The following MPHOSPH8 variants were observed in gnomAD, a reference collection of about 807,000 sequenced individuals.
MPHOSPH8 encodes the protein M-phase phosphoprotein, mpp.
MPHOSPH8 carries 45 observed loss-of-function variants against 87.3 expected under a neutral mutation model. The observed-to-expected ratio is 0.52, with a 90% CI of 0.41 to 0.66. MPHOSPH8 has a LOEUF of 0.66. Among genes scored for constraint, MPHOSPH8 ranks in the 30% least tolerant of loss-of-function variants. The pLI, the probability that MPHOSPH8 is intolerant of heterozygous loss-of-function variation, is 0.00. For missense variants in MPHOSPH8, 883 were observed against 1,020.2 expected, an observed-to-expected ratio of 0.87 and a Z score of 1.83; for synonymous variants, 366 against 376.9, an observed-to-expected ratio of 0.97 and a Z score of 0.33.
intron 5 of MPHOSPH8, 196 bp downstream of exon 5, chr13:19,650,456 T>G (rs1874783642): frequency 1.8e-6 from 1 of 542,628 alleles, no homozygotes; most frequent in East Asian, 3.0e-5. Flanking sequence ...ACAATTTTTC[T>G]GAGTTCCTAT....
At chr13:19,656,290 A>C (rs929285506) in intron 5 of MPHOSPH8, among the ~76,000 whole-genome samples, 3 of 151,014 alleles carry the variant, frequency 2.0e-5, no homozygotes, top group African/African-American at 7.3e-5. Flanking sequence ...AAAAAAAAAA[A>C]AAAAAAAAAA....
Position 19,668,456 on chromosome 13 carries a change from G to A in MPHOSPH8, c.2254G>A (p.Ala752Thr), listed in dbSNP as rs145688067. 5.6e-6 allele frequency: 9 copies of A among 1,613,634 alleles called. No homozygotes were observed. The highest frequency in any genetic ancestry group is 4.5e-5 in the East Asian group (2 of 44,888). Residue 752 changes from alanine (A) to threonine (T), a missense_variant, in exon 11 of 14, where the codon GCA becomes ACA. By Grantham distance (58) the Ala-to-Thr change is moderately conservative. Transcript: ENST00000361479. Reference sequence around the variant, plus strand: ...TCTGCTAGAACCAGTTTTTCCAATCGCATGTCATCGACTCTGTGAGGGTCC... The same window carrying A: ...TCTGCTAGAACCAGTTTTTCCAATCACATGTCATCGACTCTGTGAGGGTCC... The part of the protein sequence containing the change: ...LALLEPVFPI[A>T]CHRLCEGPDF...
chr13:19,639,870 C>T (rs577378048), intron 1 of MPHOSPH8, among the ~76,000 whole-genome samples: 25 of 151,310 alleles, frequency 1.7e-4, no homozygotes, highest in Non-Finnish European at 3.2e-4. Flanking sequence ...TTTGGGAGGC[C>T]GAGGCGGACA....
At chr13:19,666,378 CCA>C (rs780158922) in intron 9 of MPHOSPH8, 45 bp from the exon 10 acceptor site, 2 of 1,554,794 alleles carry the variant, frequency 1.3e-6, no homozygotes, top group Non-Finnish European at 1.8e-6. Context: ...AGCACCCATG[CCA>C]CAGTTTACAG....
chr13:19,648,190 A>G (rs1225090012), intron 3 of MPHOSPH8, among the ~76,000 whole-genome samples: 1 of 151,480 alleles, frequency 6.6e-6, no homozygotes, highest in Non-Finnish European at 1.5e-5. Flanking sequence ...TTCCTAAAAG[A>G]GGGTTGGAAA....
chr13:19,650,243 A>C lies in MPHOSPH8; in HGVS notation c.1559A>C (p.Gln520Pro). The change falls in exon 5 of 14, where the codon CAA (glutamine) becomes CCA (proline). Residue 520 changes from glutamine (Q) to proline (P), a missense_variant. Physicochemically the swap from Gln to Pro is moderately conservative, Grantham distance 76. Transcript: ENST00000361479. ...GDQEVLDSVCQADENSDGRQQ... is the reference protein window; with the variant it reads ...GDQEVLDSVCPADENSDGRQQ... Reference sequence around the variant, plus strand: ...CAGGAGGTTTTAGACAGCGTGTGCCAAGCAGATGAGAATTCAGGTGAGTTT... The same window carrying C: ...CAGGAGGTTTTAGACAGCGTGTGCCCAGCAGATGAGAATTCAGGTGAGTTT... 1.2e-6 allele frequency: 2 copies of C among 1,613,314 alleles called. No individual in the cohort carries two copies. The highest frequency in any genetic ancestry group is 2.2e-5 in the South Asian group (2 of 90,974).
intron 1 of MPHOSPH8, among the ~76,000 whole-genome samples, chr13:19,636,200 G>A (rs1436222122): frequency 6.6e-6 from 1 of 152,224 alleles, no homozygotes; most frequent in Non-Finnish European, 1.5e-5. Context: ...ACTGCTGAGT[G>A]AACCAGCCGG....
rs143996347 is a variant in MPHOSPH8 at position 19,667,976 on chromosome 13, C to G, written c.2175-401C>G. ...GCTGATGGCTGCAGTCCCAACTCCT[C>G]TGGTCACACGGGGGGTTTGCATAGA... On this transcript the variant is annotated intron_variant, in intron 10 of 13. Coordinates refer to ENST00000361479, the MANE Select transcript of MPHOSPH8 (RefSeq NM_017520.4). 8.0e-3 allele frequency among the ~76,000 whole-genome samples: 1,212 copies of G among 152,320 alleles called. 10 individuals are homozygous for G. Among genetic ancestry groups the G allele is most frequent in the Middle Eastern group, 0.034 (10 of 294 alleles).
At chr13:19,652,573 C>G (rs1031421447) in intron 5 of MPHOSPH8, among the ~76,000 whole-genome samples, 1 of 152,100 alleles carries the variant, frequency 6.6e-6, no homozygotes, top group African/African-American at 2.4e-5. Context: ...GGAACGCCAG[C>G]GAGACAAAAC....
At chr13:19,649,716 C>G (rs767300881) in intron 4 of MPHOSPH8, among the ~76,000 whole-genome samples, 2 of 152,302 alleles carry the variant, frequency 1.3e-5, no homozygotes, top group Non-Finnish European at 2.9e-5. Flanking sequence ...CTGAGACTCA[C>G]TGCCTTCAGT....
In MPHOSPH8 at chr13:19,670,690, T is replaced by C. The variant is rs1026486464; in HGVS notation, c.2457+327T>C. On this transcript the variant is annotated intron_variant, in intron 12 of 13. Transcript: ENST00000361479. ...GTTAGAATTATTTCCTTGGACTGAA[T>C]TAAGCAAAATTTGCTAGATATAGAC... The C allele has an allele frequency of 4.1e-6, 4 of 986,376 alleles. No individual in the cohort carries two copies. The African/African-American group carries it at 5.2e-5, about 13-fold the overall frequency. The allele number at this position is 986,376 out of a possible 1,614,324, so 61.1% of individuals were successfully genotyped here. A position where few individuals can be genotyped will look rare whatever the true frequency, so the allele number is the denominator to read the frequency against.
chr13:19,665,123 G>A (rs1489395161), intron 9 of MPHOSPH8, among the ~76,000 whole-genome samples: 1 of 152,032 alleles, frequency 6.6e-6, no homozygotes, highest in Non-Finnish European at 1.5e-5. Context: ...GGCTCTGGAA[G>A]TGGGTTGGGG....
intron 9 of MPHOSPH8, among the ~76,000 whole-genome samples, chr13:19,666,015 T>C (rs1015575083): frequency 3.9e-5 from 6 of 152,298 alleles, no homozygotes; most frequent in Non-Finnish European, 8.8e-5. Flanking sequence ...AAGGCCAGGC[T>C]TACGTATCTC....
chr13:19,640,631 A>C (rs911959590), intron 1 of MPHOSPH8, among the ~76,000 whole-genome samples: 2 of 151,846 alleles, frequency 1.3e-5, no homozygotes, highest in African/African-American at 4.8e-5. Flanking sequence ...TCAGCCTGTC[A>C]AGTATCTGGG....
intron 5 of MPHOSPH8, among the ~76,000 whole-genome samples, chr13:19,654,860 A>G (rs1365369756): frequency 6.6e-6 from 1 of 152,186 alleles, no homozygotes; most frequent in Non-Finnish European, 1.5e-5. Flanking sequence ...AGGCAGGAGA[A>G]TCGCTTGAAC....
intron 1 of MPHOSPH8, among the ~76,000 whole-genome samples, 199 bp from the exon 2 acceptor site, chr13:19,641,916 G>T (rs1374692483): frequency 6.6e-6 from 1 of 152,058 alleles, no homozygotes; most frequent in Non-Finnish European, 1.5e-5. Context: ...TTATAGGCAT[G>T]ATCCCACTGC....
chr13:19,671,813 T>C, intron 13 of MPHOSPH8, 21 bp from the exon 14 acceptor site: 1 of 1,613,384 alleles, frequency 6.2e-7, no homozygotes, highest in Non-Finnish European at 8.5e-7. Context: ...TACTGACACC[T>C]GCGTTCTTTT....
In MPHOSPH8 at chr13:19,673,110, T is replaced by C. The variant is rs1565947112; in HGVS notation, c.*1235T>C. The C allele has an allele frequency of 2.9e-6, 1 of 345,224 alleles. No individual in the cohort carries two copies. Among genetic ancestry groups the C allele is most frequent in the Non-Finnish European group, 5.6e-6 (1 of 177,418 alleles). 21.4% of individuals were successfully genotyped at this position (345,224 alleles called of 1,614,324 possible). Reference sequence around the variant, plus strand: ...ACGGTTTTTTTTTGTTTTTTTTTTTTGAAAAGCCAGACCTTGTGCCCTTGT... The same window carrying C: ...ACGGTTTTTTTTTGTTTTTTTTTTTCGAAAAGCCAGACCTTGTGCCCTTGT... On this transcript the variant is annotated 3_prime_UTR_variant, in exon 14 of 14. Coordinates refer to ENST00000361479, the MANE Select transcript of MPHOSPH8 (RefSeq NM_017520.4).
At chr13:19,653,260 C>T (rs766932940) in intron 5 of MPHOSPH8, among the ~76,000 whole-genome samples, 9 of 152,240 alleles carry the variant, frequency 5.9e-5, no homozygotes, top group Non-Finnish European at 1.2e-4. Context: ...TGCTGTTCTG[C>T]AGCTTCCGCT....
Sources: allele counts gnomAD v4.1 joint callset (sites outside exome capture counted in the v4.1 genomes callset), GRCh38; gene constraint gnomAD v4.1.1; transcripts MANE v1.5; gene names NCBI Gene and HGNC (gene_info 2026-07-23, HGNC 2026-07-21).